Variants in CDH23 observed in about 807,000 individuals in gnomAD.
The protein encoded by CDH23 is cadherin-23.
In CDH23, 189 loss-of-function variants were observed where a neutral mutation model predicts 317.1. The ratio of observed to expected loss-of-function variants is 0.60; its 90% CI spans 0.53 to 0.67. The LOEUF (loss-of-function observed/expected upper bound fraction) is 0.67, where lower values mean the gene tolerates loss of function less well. Among genes scored for constraint, CDH23 ranks in the 30% least tolerant of loss-of-function variants. CDH23 has a pLI of 0.00. For missense variants in CDH23, 4,401 were observed against 4,592.4 expected (o/e 0.96, Z 1.20); for synonymous variants, 1,839 against 1,876.8 (o/e 0.98, Z 0.52).
chr10:71,650,210 C>T lies in CDH23; in HGVS notation c.1449+3593C>T, dbSNP rs1424280249. Among the ~76,000 whole-genome samples the T allele has an allele frequency of 3.9e-5, 6 of 152,186 alleles. No individual in the cohort carries two copies. In the East Asian group the frequency reaches 9.6e-4, roughly 24 times the overall value. ...TCACATCTCTGAGCCCTAAGCTGCT[C>T]CAGGGACAGAGCTGTGTGAGTGTTT... On this transcript the variant is annotated intron_variant, in intron 14 of 69. Coordinates refer to ENST00000224721, the MANE Select transcript of CDH23 (RefSeq NM_022124.6).
In CDH23 at chr10:71,694,183, C is replaced by T. The variant is rs1210803012; in HGVS notation, c.2213C>T (p.Thr738Ile). Residue 738 changes from threonine to isoleucine, a missense_variant, in exon 21 of 70, where the codon ACC becomes ATC. Thr to Ile is a moderately conservative substitution (Grantham distance 89). Coordinates refer to ENST00000224721, the MANE Select transcript of CDH23 (RefSeq NM_022124.6). ...ITTTSLLDRE[T>I]KSEYILIVRA... ...ACCACGTCTCTGCTTGACCGAGAGA[C>T]CAAGTCTGAATACATCCTCATCGTT... 1.2e-6 allele frequency: 2 copies of T among 1,613,838 alleles called. No individual in the cohort carries two copies. The highest frequency in any genetic ancestry group is 1.7e-5 in the Admixed American group (1 of 60,020).
intron 1 of CDH23, among the ~76,000 whole-genome samples, chr10:71,427,199 A>G (rs1202413885): frequency 1.9e-4 from 13 of 68,448 alleles, no homozygotes; most frequent in African/African-American, 6.4e-4. Flanking sequence ...AGGAAAGAGA[A>G]AGAAAGAAAG....
chr10:71,545,061 C>T (rs978334364), intron 6 of CDH23, among the ~76,000 whole-genome samples: 4 of 152,106 alleles, frequency 2.6e-5, no homozygotes, highest in Non-Finnish European at 5.9e-5. Flanking sequence ...AAGTTACTGT[C>T]GAAGGAGGGA....
chr10:71,598,171 C>T (rs1253147068), intron 9 of CDH23, among the ~76,000 whole-genome samples: 1 of 152,206 alleles, frequency 6.6e-6, no homozygotes, highest in Non-Finnish European at 1.5e-5. Context: ...CACAGCTGAC[C>T]TTGCTTGGGG....
Position 71,677,593 on chromosome 10 carries a change from T to A in CDH23, c.1652T>A (p.Val551Glu), listed in dbSNP as rs1251632622. The A allele has an allele frequency of 1.2e-6, 2 of 1,608,678 alleles. No homozygotes were observed. The highest frequency in any genetic ancestry group is 1.7e-6 in the Non-Finnish European group (2 of 1,177,876). The change falls in exon 16 of 70, where the codon GTG becomes GAG. Residue 551 changes from valine to glutamate, a missense_variant. Val to Glu is a moderately radical substitution (Grantham distance 121). This residue lies in a region of CDH23 where 3,068 missense variants were observed against 3,203.3 expected (regional missense o/e 0.96). Transcript: ENST00000224721. Reference sequence around the variant, plus strand: ...ACCACAGGCCGGGTCAGGATCAATGTGTTGGATGTCAACGACAACGTGCCC... The same window carrying A: ...ACCACAGGCCGGGTCAGGATCAATGAGTTGGATGTCAACGACAACGTGCCC... Reference protein sequence around the residue: ...EETTGRVRINVLDVNDNVPTF... With the variant: ...EETTGRVRINELDVNDNVPTF...
chr10:71,730,834 G>A (rs1361825523), intron 31 of CDH23, among the ~76,000 whole-genome samples: 2 of 152,242 alleles, frequency 1.3e-5, no homozygotes, highest in Non-Finnish European at 2.9e-5. Context: ...GGACAGAGGG[G>A]AGGCCACAAG....
chr10:71,616,335 C>T (rs1206389088), intron 10 of CDH23, among the ~76,000 whole-genome samples: 1 of 152,202 alleles, frequency 6.6e-6, no homozygotes, highest in Non-Finnish European at 1.5e-5. Context: ...GAGGATGGTG[C>T]AGCCCAGCCT....
At position 71,741,858 on chromosome 10, in the gene CDH23, C is replaced by G. The variant is rs756336099; in HGVS notation, c.4782C>G (p.Arg1594=). 2 of 1,611,012 alleles carry G rather than the reference C, an allele frequency of 1.2e-6. No individual in the cohort carries two copies. The highest frequency in any genetic ancestry group is 8.5e-7 in the Non-Finnish European group (1 of 1,178,876). Residue 1594 remains arginine, a synonymous_variant, in exon 38 of 70, where the codon CGC becomes CGG. Transcript: ENST00000224721. ...EIATRPAPPD[R]ERQSFYHLVA... Reference sequence around the variant, plus strand: ...CCACACGGCCTGCCCCGCCTGACCGCGAGCGCCAGAGCTTCTACCACCTGG... The same window carrying G: ...CCACACGGCCTGCCCCGCCTGACCGGGAGCGCCAGAGCTTCTACCACCTGG...
At chr10:71,731,927 C>T (rs2132824184) in intron 31 of CDH23, 60 bp from the exon 32 acceptor site, 2 of 1,540,888 alleles carry the variant, frequency 1.3e-6, no homozygotes, top group South Asian at 1.2e-5. Flanking sequence ...GCTTGAGAAG[C>T]CACAGCGCAG....
At chr10:71,498,369 G>T (rs183569115) in intron 3 of CDH23, among the ~76,000 whole-genome samples, 3 of 152,272 alleles carry the variant, frequency 2.0e-5, no homozygotes, top group African/African-American at 7.2e-5. Flanking sequence ...GTCACATTCG[G>T]GCCAGGTGAA....
At chr10:71,716,590 T>C in intron 28 of CDH23, 1 of 412,604 alleles carries the variant, frequency 2.4e-6, no homozygotes, top group Non-Finnish European at 4.3e-6. Flanking sequence ...TGTGCCCATC[T>C]GCCATGCAGA....
At chr10:71,663,312 T>G (rs1863754977) in intron 14 of CDH23, among the ~76,000 whole-genome samples, 1 of 152,182 alleles carries the variant, frequency 6.6e-6, no homozygotes, top group Admixed American at 6.5e-5. Context: ...TTTCTCTCCG[T>G]GCCCCGACCC....
At chr10:71,772,866 C>T (rs891725054) in intron 38 of CDH23, among the ~76,000 whole-genome samples, 1 of 152,164 alleles carries the variant, frequency 6.6e-6, no homozygotes, top group Non-Finnish European at 1.5e-5. Flanking sequence ...CCAGTGCCCA[C>T]CAAGGCTCAG....
At chr10:71,783,990 G>C (rs551416884) in intron 41 of CDH23, among the ~76,000 whole-genome samples, 1 of 152,288 alleles carries the variant, frequency 6.6e-6, no homozygotes, top group African/African-American at 2.4e-5. Context: ...ATCTTACCCA[G>C]GTCAGTCTCT....
intron 9 of CDH23, among the ~76,000 whole-genome samples, chr10:71,612,337 G>C (rs868319727): frequency 9.8e-4 from 149 of 152,064 alleles, no homozygotes; most frequent in African/African-American, 3.3e-3. Flanking sequence ...TGCCTAGGTC[G>C]GGGCATGGGG....
At chr10:71,538,249 C>T (rs1855809286) in intron 6 of CDH23, among the ~76,000 whole-genome samples, 1 of 152,186 alleles carries the variant, frequency 6.6e-6, no homozygotes, top group African/African-American at 2.4e-5. Context: ...GAGAACTTCT[C>T]ACAGTCTCCA....
At chr10:71,559,058 G>GC (rs564355838) in intron 6 of CDH23, among the ~76,000 whole-genome samples, 87 of 152,218 alleles carry the variant, frequency 5.7e-4, no homozygotes, top group African/African-American at 2.0e-3. Flanking sequence ...AAGCTGTTTG[G>GC]CCCCACCCCA....
Position 71,695,491 on chromosome 10 carries a change from T to C in CDH23, c.2363T>C (p.Val788Ala). Residue 788 changes from valine (V) to alanine (A), a missense_variant, in exon 22 of 70, where the codon GTG (valine) becomes GCG (alanine). Val to Ala is a moderately conservative substitution (Grantham distance 64). Transcript: ENST00000224721. ...GACGCACCCTACTACATCAACCTGGTGGAGATGACCCCTCCAGACTCTGAT... is the reference window on the plus strand; with the variant it reads ...GACGCACCCTACTACATCAACCTGGCGGAGATGACCCCTCCAGACTCTGAT... ...WKDAPYYINLVEMTPPDSDVT... is the reference protein window; with the variant it reads ...WKDAPYYINLAEMTPPDSDVT... The C allele has an allele frequency of 6.2e-7, 1 of 1,613,474 alleles. No homozygotes were observed. The highest frequency in any genetic ancestry group is 8.5e-7 in the Non-Finnish European group (1 of 1,179,410).
At chr10:71,590,480 TA>T (rs1188979075) in intron 9 of CDH23, among the ~76,000 whole-genome samples, 1 of 151,948 alleles carries the variant, frequency 6.6e-6, no homozygotes, top group Non-Finnish European at 1.5e-5. Context: ...CCCTCACTTG[TA>T]GGATCACGTC....
Sources: allele counts gnomAD v4.1 joint callset (sites outside exome capture counted in the v4.1 genomes callset), GRCh38; gene constraint gnomAD v4.1.1; regional missense constraint gnomAD v4.1.1; transcripts MANE v1.5; gene names NCBI Gene and HGNC (gene_info 2026-07-23, HGNC 2026-07-21).